TBXAS1: variants seen among roughly 807,000 people sequenced by gnomAD.
The protein encoded by TBXAS1 is thromboxane-A synthase.
TBXAS1 carries 48 observed loss-of-function variants against 60.7 expected under a neutral mutation model. The observed-to-expected ratio is 0.79, with a 90% CI of 0.63 to 1.01. The LOEUF is 1.01. TBXAS1 is among the 50% of genes least tolerant of loss of function. TBXAS1 has a pLI of 0.00. For synonymous variants in TBXAS1, 287 were observed against 269.7 expected (o/e 1.06, Z -0.63); for missense variants, 685 against 686.3 (o/e 1.00, Z 0.02).
intron 1 of TBXAS1, among the ~76,000 whole-genome samples, chr7:139,871,496 T>A (rs1001930854): frequency 2.0e-5 from 3 of 152,242 alleles, no homozygotes; most frequent in Non-Finnish European, 2.9e-5. Context: ...TCCTATAAAC[T>A]GTTGAAATAC....
intron 4 of TBXAS1, among the ~76,000 whole-genome samples, chr7:139,817,269 C>G (rs1426878424): frequency 1.3e-5 from 2 of 151,986 alleles, no homozygotes; most frequent in East Asian, 3.9e-4. Flanking sequence ...CCTTCCTCTT[C>G]CACCCTGCTT....
At chr7:139,994,759 C>T (rs1317072631) in intron 9 of TBXAS1, among the ~76,000 whole-genome samples, 1 of 152,116 alleles carries the variant, frequency 6.6e-6, no homozygotes, top group Non-Finnish European at 1.5e-5. Flanking sequence ...AGGATTTCTG[C>T]AGGTTCTTAG....
At chr7:139,957,005 C>A (rs893397344) in intron 7 of TBXAS1, among the ~76,000 whole-genome samples, 1 of 152,238 alleles carries the variant, frequency 6.6e-6, no homozygotes, top group Admixed American at 6.5e-5. Context: ...CTGAACCCAG[C>A]CAGTGCCCCT....
At chr7:139,918,080 A>G (rs937003449) in intron 4 of TBXAS1, among the ~76,000 whole-genome samples, 21 of 152,038 alleles carry the variant, frequency 1.4e-4, no homozygotes, top group African/African-American at 4.8e-4. Flanking sequence ...CTCCGCCCCA[A>G]TCTCCTTCTT....
chr7:139,908,199 G>T lies in TBXAS1; in HGVS notation c.237-3026G>T, dbSNP rs576628155. ...TATTTCCTTTCCTGTGCTTGATAAGGTTCTTTGTTCTTCTTTTTCTAGTTT... is the reference window on the plus strand; with the variant it reads ...TATTTCCTTTCCTGTGCTTGATAAGTTTCTTTGTTCTTCTTTTTCTAGTTT... On this transcript the variant is annotated intron_variant, in intron 3 of 12. Coordinates refer to ENST00000448866, the MANE Select transcript of TBXAS1 (RefSeq NM_001061.7). Among the ~76,000 whole-genome samples, 12 of 151,756 alleles carry T rather than the reference G, an allele frequency of 7.9e-5. No individual in the cohort carries two copies. The South Asian group carries it at 2.5e-3, about 32-fold the overall frequency.
At chr7:139,891,864 AG>A (rs1443706470) in intron 3 of TBXAS1, among the ~76,000 whole-genome samples, 1 of 152,190 alleles carries the variant, frequency 6.6e-6, no homozygotes, top group Non-Finnish European at 1.5e-5. Flanking sequence ...ATTTTACTGG[AG>A]ACAAATAAAA....
At chr7:140,009,459 C>T (rs1315530280) in intron 10 of TBXAS1, among the ~76,000 whole-genome samples, 10 of 152,152 alleles carry the variant, frequency 6.6e-5, no homozygotes, top group Non-Finnish European at 5.9e-5. Context: ...CGCTCAGCTG[C>T]CTGCAGCATG....
At chr7:139,933,634 C>G (rs1310799899) in intron 4 of TBXAS1, among the ~76,000 whole-genome samples, 1 of 152,162 alleles carries the variant, frequency 6.6e-6, no homozygotes, top group Non-Finnish European at 1.5e-5. Context: ...ATTAACTCCT[C>G]TCTAGATACT....
chr7:139,956,639 G>A (rs971708646), intron 7 of TBXAS1, among the ~76,000 whole-genome samples: 8 of 152,206 alleles, frequency 5.3e-5, no homozygotes, highest in Non-Finnish European at 1.2e-4. Flanking sequence ...CGATGTCCAT[G>A]GGAGCCCGTC....
At chr7:139,808,047 C>T (rs765907846) in intron 4 of TBXAS1, among the ~76,000 whole-genome samples, 18 of 152,032 alleles carry the variant, frequency 1.2e-4, no homozygotes, top group Non-Finnish European at 2.1e-4. Flanking sequence ...AAAACAAACC[C>T]TCAGCCAGGT....
chr7:139,905,003 C>CTTTT lies in TBXAS1; in HGVS notation c.237-6221_237-6220insTTTT, dbSNP rs1315865147. The stretch of plus-strand genomic sequence containing the variant: ...TTTCTCTTTCTCTCTTTCTCTCTTT[C>CTTTT]TCTCTTTCTTTCTTTCTTTCTTTCT... On this transcript the variant is annotated intron_variant, in intron 3 of 12. Coordinates refer to ENST00000448866, the MANE Select transcript of TBXAS1 (RefSeq NM_001061.7). Among the ~76,000 whole-genome samples, 210 of 88,160 alleles carry CTTTT rather than the reference C, an allele frequency of 2.4e-3. 4 individuals are homozygous for CTTTT. Among genetic ancestry groups the CTTTT allele is most frequent in the African/African-American group, 0.01 (196 of 18,750 alleles). 57.8% of individuals were successfully genotyped at this position (88,160 alleles called of 152,430 possible).
intron 9 of TBXAS1, among the ~76,000 whole-genome samples, chr7:139,993,911 T>TTTTTC (rs1437245415): frequency 6.7e-6 from 1 of 148,174 alleles, no homozygotes; most frequent in African/African-American, 2.5e-5. Context: ...TTTTTTTTTT[T>TTTTTC]TGAGACACAG....
chr7:139,999,083 C>T lies in TBXAS1; in HGVS notation c.1135-8008C>T, dbSNP rs1440309652. Among the ~76,000 whole-genome samples the T allele has an allele frequency of 6.6e-6, 1 of 152,234 alleles. No homozygotes were observed. The highest frequency in any genetic ancestry group is 2.4e-5 in the African/African-American group (1 of 41,470). ...CAGCAATGTGGATGGAAAGATTTAT[C>T]ACCCCCTCTCATAACCAAACCTCCA... On this transcript the variant is annotated intron_variant, in intron 9 of 12. Coordinates refer to ENST00000448866, the MANE Select transcript of TBXAS1 (RefSeq NM_001061.7). The surrounding 1 kb of genome is among the most constrained non-coding windows in gnomAD (Gnocchi z 4.3).
At chr7:139,932,163 T>C (rs1807384384) in intron 4 of TBXAS1, among the ~76,000 whole-genome samples, 1 of 113,986 alleles carries the variant, frequency 8.8e-6, no homozygotes, top group Non-Finnish European at 1.6e-5. Flanking sequence ...CGAGACTCCA[T>C]CTCAAAAAAA....
At chr7:139,922,964 CTTTT>C (rs1010578420) in intron 4 of TBXAS1, among the ~76,000 whole-genome samples, 1 of 152,170 alleles carries the variant, frequency 6.6e-6, no homozygotes, top group Non-Finnish European at 1.5e-5. Context: ...TTTCATTGGT[CTTTT>C]TGTTTATCCT....
chr7:139,941,157 T>G (rs1052581083), intron 5 of TBXAS1, among the ~76,000 whole-genome samples: 42 of 152,180 alleles, frequency 2.8e-4, no homozygotes, highest in Admixed American at 1.8e-3. Flanking sequence ...CTTTCTGAAT[T>G]TGTAAGTAGT....
chr7:139,911,383 A>G, intron 4 of TBXAS1, 62 bp downstream of exon 4: 1 of 1,421,900 alleles, frequency 7.0e-7, no homozygotes, highest in Non-Finnish European at 9.9e-7. Flanking sequence ...GAGACACTGC[A>G]TGTCAGATCC....
chr7:139,946,580 C>G (rs1199460851), intron 5 of TBXAS1, among the ~76,000 whole-genome samples: 1 of 152,048 alleles, frequency 6.6e-6, no homozygotes, highest in Admixed American at 6.5e-5. Context: ...CATGATGAGG[C>G]AAGAACAGAT....
intron 1 of TBXAS1, among the ~76,000 whole-genome samples, chr7:139,843,635 G>T (rs1038850635): frequency 6.6e-6 from 1 of 152,152 alleles, no homozygotes; most frequent in Non-Finnish European, 1.5e-5. Context: ...GAGCCACAGT[G>T]CCCGGCCCAC....
Sources: gnomAD v4.1 joint callset for allele counts (sites outside exome capture counted in the v4.1 genomes callset) on GRCh38, gnomAD v4.1.1 for gene constraint, Gnocchi (gnomAD v3.1) non-coding constraint, MANE v1.5 for transcripts, NCBI Gene and HGNC (gene_info 2026-07-23, HGNC 2026-07-21) for gene names.